The following PHACTR4 variants were observed in gnomAD, a reference collection of about 807,000 sequenced individuals.
The protein encoded by PHACTR4 is protein phosphatase 1, regulatory subunit 124.
In PHACTR4, 51 loss-of-function variants were observed where a neutral mutation model predicts 72.7. That is an observed-to-expected ratio of 0.70 (90% CI 0.56 to 0.89). The LOEUF (loss-of-function observed/expected upper bound fraction) is 0.89, where lower values mean the gene tolerates loss of function less well. PHACTR4 is among the 40% of genes least tolerant of loss of function. PHACTR4 has a pLI of 0.00. For synonymous variants in PHACTR4, 255 were observed against 302.5 expected, an observed-to-expected ratio of 0.84 and a Z score of 1.63; for missense variants, 731 against 861.8, an observed-to-expected ratio of 0.85 and a Z score of 1.90.
chr1:28,400,132 G>C (rs1653831656), intron 1 of PHACTR4, among the ~76,000 whole-genome samples: 1 of 152,246 alleles, frequency 6.6e-6, no homozygotes, highest in Non-Finnish European at 1.5e-5. Flanking sequence ...CAGCACTTTG[G>C]GAGGCCAAGG....
chr1:28,496,483 C>T, intron 13 of PHACTR4, 51 bp from the exon 14 acceptor site: 1 of 1,595,872 alleles, frequency 6.3e-7, no homozygotes, highest in Non-Finnish European at 8.6e-7. Flanking sequence ...ACATTAATAG[C>T]AAAGCAATGT....
intron 2 of PHACTR4, among the ~76,000 whole-genome samples, chr1:28,424,501 A>AT (rs34652805): frequency 0.39 from 58,766 of 150,986 alleles, 13,230 homozygotes; most frequent in African/African-American, 0.62. Flanking sequence ...TTTATTTATT[A>AT]TTTTTTTTAG....
chr1:28,441,483 A>G (rs1270133981), intron 2 of PHACTR4, among the ~76,000 whole-genome samples: 1 of 152,218 alleles, frequency 6.6e-6, no homozygotes, highest in Non-Finnish European at 1.5e-5. Flanking sequence ...TAACCTTTGC[A>G]TGAGGATTCA....
chr1:28,399,928 C>G (rs1394039284), intron 1 of PHACTR4, among the ~76,000 whole-genome samples: 1 of 152,158 alleles, frequency 6.6e-6, no homozygotes, highest in East Asian at 1.9e-4. Context: ...TGAATAACAA[C>G]TGCAAACCCT....
chr1:28,418,548 G>A (rs1655272562), intron 2 of PHACTR4, among the ~76,000 whole-genome samples: 2 of 151,978 alleles, frequency 1.3e-5, no homozygotes, highest in Non-Finnish European at 2.9e-5. Context: ...TACAGCTGTA[G>A]AAAGTCTATA....
chr1:28,394,803 T>G (rs1653360238), intron 1 of PHACTR4, among the ~76,000 whole-genome samples: 1 of 150,674 alleles, frequency 6.6e-6, no homozygotes, highest in South Asian at 2.1e-4. Context: ...TCCATGTTGG[T>G]CAGGCTGGTC....
chr1:28,491,769 A>G lies in PHACTR4; in HGVS notation c.1998A>G (p.Lys666=). Residue 666 remains lysine (K), a synonymous_variant, in exon 12 of 14, where the codon AAA becomes AAG. Coordinates refer to ENST00000373839, the MANE Select transcript of PHACTR4 (RefSeq NM_001048183.3). ...YDRRADKPWT[K]LTPADKAAIR... ...GGCGAGCCGACAAACCTTGGACCAA[A>G]CTGACCCCTGCTGACAAGGTACCTG... is the stretch of plus-strand genomic sequence containing the variant. 1 of 1,613,924 alleles carries G rather than the reference A, an allele frequency of 6.2e-7. No individual in the cohort carries two copies. The highest frequency in any genetic ancestry group is 8.5e-7 in the Non-Finnish European group (1 of 1,179,938).
chr1:28,487,285 G>A (rs953354244), intron 9 of PHACTR4, among the ~76,000 whole-genome samples: 2 of 151,838 alleles, frequency 1.3e-5, no homozygotes, highest in African/African-American at 4.8e-5. Context: ...AGAATCTCTT[G>A]AACCTGGGAG....
At chr1:28,411,774 A>G (rs986017531) in intron 2 of PHACTR4, among the ~76,000 whole-genome samples, 4 of 152,148 alleles carry the variant, frequency 2.6e-5, no homozygotes, top group Non-Finnish European at 5.9e-5. Context: ...ATGTAACCAA[A>G]TACTACCCAT....
chr1:28,378,198 T>TAAAA lies in PHACTR4; in HGVS notation c.-39+8388_-39+8391dup, dbSNP rs60280611. 5.2e-5 allele frequency among the ~76,000 whole-genome samples: 4 copies of TAAAA among 76,404 alleles called. No individual in the cohort carries two copies. The South Asian group carries it at 1.7e-3, about 32-fold the overall frequency. The allele number at this position is 76,404 out of a possible 152,430, so 50.1% of individuals were successfully genotyped here. ...GGTGACAGAGCGAGACTCCATCTCA[T>TAAAA]AAAAAAAAAAAAAAAAAATTTGGCC... On this transcript the variant is annotated intron_variant, in intron 1 of 13. Coordinates refer to ENST00000373839, the MANE Select transcript of PHACTR4 (RefSeq NM_001048183.3).
chr1:28,450,986 T>G (rs1015504207), intron 2 of PHACTR4, among the ~76,000 whole-genome samples: 1 of 139,748 alleles, frequency 7.2e-6, no homozygotes, highest in Non-Finnish European at 1.6e-5. Flanking sequence ...TTTTTTTTTT[T>G]TTTTTTTTGT....
rs1659117635 is a variant in PHACTR4, at chr1:28,465,729, G to A, written c.316G>A (p.Gly106Ser). Reference sequence around the variant, plus strand: ...GCCAAGCGATGCCATGTTAAAGAATGGCCATACCACCCCCATAGGGAATGC... The same window carrying A: ...GCCAAGCGATGCCATGTTAAAGAATAGCCATACCACCCCCATAGGGAATGC... The part of the protein sequence containing the change: ...GKPSDAMLKN[G>S]HTTPIGNARS... Residue 106 changes from glycine to serine, a missense_variant, in exon 5 of 14, where the codon GGC becomes AGC. Physicochemically the swap from Gly to Ser is moderately conservative, Grantham distance 56. Around this residue, in one of 2 missense-constraint regions of PHACTR4, gnomAD observed 621 missense variants for 676.6 expected, o/e 0.92. Coordinates refer to ENST00000373839, the MANE Select transcript of PHACTR4 (RefSeq NM_001048183.3). 6.2e-7 allele frequency: 1 copy of A among 1,613,804 alleles called. No individual in the cohort carries two copies. The highest frequency in any genetic ancestry group is 1.1e-5 in the South Asian group (1 of 91,058).
chr1:28,408,566 A>G (rs961683659), intron 2 of PHACTR4, among the ~76,000 whole-genome samples: 27 of 152,138 alleles, frequency 1.8e-4, no homozygotes, highest in Non-Finnish European at 2.9e-5. Context: ...CTTAAAAGAA[A>G]AGAAAAGAGA....
At chr1:28,417,697 A>C (rs1259471942) in intron 2 of PHACTR4, among the ~76,000 whole-genome samples, 4 of 152,242 alleles carry the variant, frequency 2.6e-5, no homozygotes, top group Non-Finnish European at 5.9e-5. Context: ...AACCACAAGT[A>C]ACTGAAACTG....
At chr1:28,481,238 C>T (rs1296117333) in intron 9 of PHACTR4, 1 of 152,266 alleles carries the variant, frequency 6.6e-6, no homozygotes, top group African/African-American at 2.4e-5. Flanking sequence ...CTGTGTTTCC[C>T]AGGCTGGTCT....
intron 2 of PHACTR4, among the ~76,000 whole-genome samples, chr1:28,448,042 T>C (rs1436425010): frequency 2.6e-5 from 4 of 152,174 alleles, no homozygotes; most frequent in African/African-American, 9.7e-5. Flanking sequence ...GTAGTGTAAA[T>C]ACCATAAATG....
chr1:28,466,517 C>T lies in PHACTR4; in HGVS notation c.572C>T (p.Ser191Phe), dbSNP rs569659101. Residue 191 changes from serine (S) to phenylalanine (F), a missense_variant, in exon 6 of 14, where the codon TCC (serine) becomes TTC (phenylalanine). Around this residue, in one of 2 missense-constraint regions of PHACTR4, gnomAD observed 621 missense variants for 676.6 expected, o/e 0.92. Coordinates refer to ENST00000373839, the MANE Select transcript of PHACTR4 (RefSeq NM_001048183.3). ...ASEGQAKDAT[S>F]SGGTARFIIS... is the part of the protein sequence containing the mutation. ...GAAGGGCAAGCAAAGGATGCCACTTCCTCTGGCGGCACGGCAAGGTTCATC... is the reference window on the plus strand; with the variant it reads ...GAAGGGCAAGCAAAGGATGCCACTTTCTCTGGCGGCACGGCAAGGTTCATC... The T allele has an allele frequency of 1.2e-6, 2 of 1,614,122 alleles. No individual in the cohort carries two copies. The highest frequency in any genetic ancestry group is 1.7e-6 in the Non-Finnish European group (2 of 1,180,028).
rs1220665878 is a variant in PHACTR4 at position 28,465,843 on chromosome 1, C to T, written c.430C>T (p.Arg144Ter). 22 of 1,606,178 alleles carry T rather than the reference C, an allele frequency of 1.4e-5. No individual in the cohort carries two copies. Among genetic ancestry groups the T allele is most frequent in the East Asian group, 4.5e-5 (2 of 44,818 alleles). The change falls in exon 5 of 14, where the codon CGA becomes TGA. Residue 144 changes from arginine (R) to a stop codon, truncating the protein, a stop_gained. Coordinates refer to ENST00000373839, the MANE Select transcript of PHACTR4 (RefSeq NM_001048183.3). LOFTEE classifies it high-confidence loss of function. ...KAIPEEDLKK[R>*]LGSTGSQPNS... ...TATTCCAGAAGAGGACCTAAAGAAA[C>T]GACTAGGTAAGAAACTCTGGATTTT...
At chr1:28,465,086 C>A (rs1273201676) in intron 4 of PHACTR4, among the ~76,000 whole-genome samples, 3 of 152,164 alleles carry the variant, frequency 2.0e-5, no homozygotes, top group African/African-American at 7.2e-5. Context: ...TCACTTGTTT[C>A]TGTTTAAGCA....
Sources: gnomAD v4.1 joint callset for allele counts (sites outside exome capture counted in the v4.1 genomes callset) on GRCh38, gnomAD v4.1.1 for gene constraint, gnomAD v4.1.1 regional missense constraint, MANE v1.5 for transcripts, NCBI Gene and HGNC (gene_info 2026-07-23, HGNC 2026-07-21) for gene names.